Variants in EPHA6 observed in about 807,000 individuals in gnomAD.
The protein encoded by EPHA6 is EPH receptor A6.
EPHA6 carries 50 observed loss-of-function variants against 112.0 expected under a neutral mutation model. The ratio of observed to expected loss-of-function variants is 0.45; its 90% CI spans 0.36 to 0.56. The LOEUF is 0.56. Ranked by LOEUF, EPHA6 falls within the 20% of genes least tolerant of loss-of-function variation. The pLI, the probability that EPHA6 is intolerant of heterozygous loss-of-function variation, is 0.00. For synonymous variants in EPHA6, 529 were observed against 490.7 expected (o/e 1.08, Z -1.03); for missense variants, 1,280 against 1,417.4 (o/e 0.90, Z 1.56).
chr3:96,877,121 G>A (rs954779559), intron 2 of EPHA6, among the ~76,000 whole-genome samples: 3 of 152,032 alleles, frequency 2.0e-5, no homozygotes, highest in African/African-American at 4.8e-5. Flanking sequence ...TTGTTTAAAG[G>A]CTATATTTTG....
chr3:97,003,498 G>T (rs769268477), intron 3 of EPHA6, among the ~76,000 whole-genome samples: 1 of 152,046 alleles, frequency 6.6e-6, no homozygotes, highest in Non-Finnish European at 1.5e-5. Context: ...GGGGAAAAGA[G>T]AATTCCCACA....
chr3:97,270,106 T>C (rs2108638301), intron 5 of EPHA6, among the ~76,000 whole-genome samples: 1 of 152,322 alleles, frequency 6.6e-6, no homozygotes, highest in Middle Eastern at 3.4e-3. Context: ...TCAATAGGAG[T>C]ATAATTTTCA....
At chr3:97,254,711 T>C (rs1240008132) in intron 5 of EPHA6, among the ~76,000 whole-genome samples, 1 of 152,208 alleles carries the variant, frequency 6.6e-6, no homozygotes. Context: ...AAATAAATAT[T>C]ATTTTTATCC....
At chr3:97,624,143 G>T (rs987883340) in intron 13 of EPHA6, among the ~76,000 whole-genome samples, 7 of 151,636 alleles carry the variant, frequency 4.6e-5, no homozygotes, top group African/African-American at 1.2e-4. Flanking sequence ...AATTTATAAC[G>T]GTCGAGTATG....
chr3:97,348,015 T>A (rs1234857872), intron 5 of EPHA6, among the ~76,000 whole-genome samples: 1 of 152,094 alleles, frequency 6.6e-6, no homozygotes, highest in Non-Finnish European at 1.5e-5. Flanking sequence ...AATGCACTTA[T>A]AAACATTTCC....
At chr3:97,053,457 G>A (rs887131235) in intron 3 of EPHA6, among the ~76,000 whole-genome samples, 1 of 152,090 alleles carries the variant, frequency 6.6e-6, no homozygotes. Context: ...GACCACAGTA[G>A]ACACTTAAAA....
intron 2 of EPHA6, among the ~76,000 whole-genome samples, chr3:96,888,034 A>T (rs1283634676): frequency 6.6e-6 from 1 of 152,198 alleles, no homozygotes; most frequent in African/African-American, 2.4e-5. Context: ...GCTGTGAAAG[A>T]AAAGGGTTTG....
chr3:97,582,905 C>T (rs958900692), intron 11 of EPHA6, among the ~76,000 whole-genome samples: 2 of 151,922 alleles, frequency 1.3e-5, no homozygotes, highest in Admixed American at 1.3e-4. Context: ...AAATCCAGAA[C>T]ATTCTCTTTT....
At chr3:97,627,546 G>T (rs1438544047) in intron 13 of EPHA6, among the ~76,000 whole-genome samples, 1 of 151,790 alleles carries the variant, frequency 6.6e-6, no homozygotes, top group Non-Finnish European at 1.5e-5. Flanking sequence ...CTACAGAATG[G>T]CAAATAAGTA....
At chr3:97,319,670 AAAAAAAAAAACAAAAAAC>A (rs1240654200) in intron 5 of EPHA6, among the ~76,000 whole-genome samples, 2 of 150,922 alleles carry the variant, frequency 1.3e-5, no homozygotes, top group East Asian at 3.9e-4. Flanking sequence ...ATTGTCTCAA[AAAAAAAAAAACAAAAAAC>A]AAAAAAAAAA....
At chr3:97,744,421 G>A (rs1370582339) in intron 16 of EPHA6, among the ~76,000 whole-genome samples, 4 of 151,914 alleles carry the variant, frequency 2.6e-5, no homozygotes, top group African/African-American at 4.8e-5. Context: ...CCAAGCCCTC[G>A]AAGCCAGAAA....
At chr3:97,258,938 T>G (rs964115735) in intron 5 of EPHA6, among the ~76,000 whole-genome samples, 3 of 152,156 alleles carry the variant, frequency 2.0e-5, no homozygotes, top group African/African-American at 7.2e-5. Context: ...ATGCAAGAAC[T>G]TTTCTACACC....
intron 14 of EPHA6, among the ~76,000 whole-genome samples, chr3:97,673,734 C>T (rs963248548): frequency 6.6e-6 from 1 of 152,130 alleles, no homozygotes; most frequent in African/African-American, 2.4e-5. Flanking sequence ...CCTATTTGTC[C>T]AGGACTCAAT....
At chr3:97,522,325 A>G (rs1025387580) in intron 10 of EPHA6, among the ~76,000 whole-genome samples, 1 of 152,140 alleles carries the variant, frequency 6.6e-6, no homozygotes, top group Non-Finnish European at 1.5e-5. Context: ...CTGTTTCTTT[A>G]TTCAGTTAAT....
At chr3:96,931,685 C>G (rs2107657979) in intron 2 of EPHA6, among the ~76,000 whole-genome samples, 1 of 152,344 alleles carries the variant, frequency 6.6e-6, no homozygotes, top group South Asian at 2.1e-4. Flanking sequence ...GCTGCCTTTT[C>G]CCCTGGGAGC....
chr3:97,070,068 G>T (rs113135725), intron 3 of EPHA6, among the ~76,000 whole-genome samples: 3 of 152,004 alleles, frequency 2.0e-5, no homozygotes, highest in Non-Finnish European at 4.4e-5. Context: ...CAGAGCACAT[G>T]TCAGGAAAAG....
chr3:97,729,825 C>T (rs2034955683), intron 15 of EPHA6, among the ~76,000 whole-genome samples: 2 of 151,614 alleles, frequency 1.3e-5, no homozygotes, highest in African/African-American at 4.8e-5. Flanking sequence ...TATAAATAAT[C>T]GTTACCACAA....
intron 9 of EPHA6, among the ~76,000 whole-genome samples, chr3:97,481,010 G>A (rs1171232168): frequency 6.6e-6 from 1 of 151,448 alleles, no homozygotes; most frequent in Non-Finnish European, 1.5e-5. Context: ...CTGGGCAGAG[G>A]GGCTCCTCAC....
intron 6 of EPHA6, among the ~76,000 whole-genome samples, chr3:97,424,924 C>A (rs1449326189): frequency 6.6e-6 from 1 of 151,968 alleles, no homozygotes; most frequent in Non-Finnish European, 1.5e-5. Context: ...AGGCTATAGG[C>A]CAATGCAAGT....
Sources: gnomAD v4.1 joint callset for allele counts (sites outside exome capture counted in the v4.1 genomes callset) on GRCh38, gnomAD v4.1.1 for gene constraint, MANE v1.5 for transcripts, NCBI Gene and HGNC (gene_info 2026-07-23, HGNC 2026-07-21) for gene names.